The following CLDN14 variants were observed in gnomAD, a reference collection of about 807,000 sequenced individuals.
The protein encoded by CLDN14 is claudin 14, also known as claudin-14.
CLDN14 carries 2 observed loss-of-function variants against 2.1 expected under a neutral mutation model. The observed-to-expected ratio is 0.96, with a 90% CI of 0.39 to 3.01. The LOEUF (loss-of-function observed/expected upper bound fraction) is 3.01. CLDN14 is among the 30% of genes most tolerant of loss of function. The pLI, the probability that CLDN14 is intolerant of heterozygous loss-of-function variation, is 0.09. For synonymous variants in CLDN14, 136 were observed against 154.4 expected, an observed-to-expected ratio of 0.88 and a Z score of 0.88; for missense variants, 298 against 328.0, an observed-to-expected ratio of 0.91 and a Z score of 0.71.
intron 1 of CLDN14, among the ~76,000 whole-genome samples, chr21:36,556,809 A>C (rs1204550274): frequency 2.6e-5 from 4 of 152,230 alleles, no homozygotes; most frequent in Admixed American, 6.5e-5. Flanking sequence ...AAGAATATTT[A>C]ACATGAGATC....
intron 2 of CLDN14, among the ~76,000 whole-genome samples, chr21:36,497,183 A>G (rs1243730300): frequency 5.2e-3 from 5 of 970 alleles, no homozygotes; most frequent in Non-Finnish European, 0.012. Flanking sequence ...GGGAGGGAGG[A>G]AGGGAGGGAA....
chr21:36,517,196 G>GA (rs1267900446), intron 1 of CLDN14, among the ~76,000 whole-genome samples: 1 of 152,214 alleles, frequency 6.6e-6, no homozygotes, highest in Non-Finnish European at 1.5e-5. Context: ...CTGATGATGT[G>GA]AAAATTATAT....
In CLDN14 at chr21:36,499,718, T is replaced by G. The variant is rs117744204; in HGVS notation, c.-82+10645A>C. Among the ~76,000 whole-genome samples the G allele has an allele frequency of 6.6e-6, 1 of 152,198 alleles. No homozygotes were observed. Among genetic ancestry groups the G allele is most frequent in the Admixed American group, 6.5e-5 (1 of 15,280 alleles). On this transcript the variant is annotated intron_variant, in intron 2 of 2. Coordinates refer to the CLDN14 transcript ENST00000342108. This position sits in a 1 kb window ranked among gnomAD's most constrained non-coding sequence, Gnocchi z 4.7. Reference sequence around the variant, plus strand: ...AGACACGCAGACAATAAATACTGATTCTTGGACTACAGAGCCAAAGACAAA... The same window carrying G: ...AGACACGCAGACAATAAATACTGATGCTTGGACTACAGAGCCAAAGACAAA...
At chr21:36,482,408 A>ATAGACG (rs1568851811), upstream of CLDN14, among the ~76,000 whole-genome samples, 1 of 97,756 alleles carries the variant, frequency 1.0e-5, no homozygotes, top group Non-Finnish European at 2.0e-5. Flanking sequence ...ATGGATGGAT[A>ATAGACG]GACGGATGGA....
intron 2 of CLDN14, among the ~76,000 whole-genome samples, chr21:36,507,876 T>C (rs1395625291): frequency 6.6e-6 from 1 of 152,216 alleles, no homozygotes; most frequent in Non-Finnish European, 1.5e-5. Context: ...ATTTCCTGTT[T>C]AATTCCACCC....
chr21:36,569,697 T>C (rs1370507257), intron 1 of CLDN14, among the ~76,000 whole-genome samples: 1 of 152,176 alleles, frequency 6.6e-6, no homozygotes, highest in Non-Finnish European at 1.5e-5. Context: ...ACAAATCATC[T>C]GCTGGTCATG....
chr21:36,556,478 G>A (rs79500441), intron 1 of CLDN14, among the ~76,000 whole-genome samples: 440 of 152,296 alleles, frequency 2.9e-3, no homozygotes, highest in Non-Finnish European at 5.4e-3. Flanking sequence ...GAGTCCAACA[G>A]GTTTGGGGTG....
At chr21:36,507,189 C>T (rs936740604) in intron 2 of CLDN14, among the ~76,000 whole-genome samples, 1 of 151,856 alleles carries the variant, frequency 6.6e-6, no homozygotes, top group Non-Finnish European at 1.5e-5. Context: ...CAACCTGACA[C>T]AAGCGGCTGC....
intron 1 of CLDN14, among the ~76,000 whole-genome samples, chr21:36,525,027 C>T (rs781186379): frequency 1.8e-4 from 27 of 152,134 alleles, no homozygotes; most frequent in Non-Finnish European, 2.4e-4. Context: ...GGCGCTGCTC[C>T]GACACCCACC....
At chr21:36,508,321 T>C (rs1357461561) in intron 2 of CLDN14, among the ~76,000 whole-genome samples, 1 of 152,160 alleles carries the variant, frequency 6.6e-6, no homozygotes, top group Non-Finnish European at 1.5e-5. Context: ...AAAGCTACTT[T>C]CCAGGCAGCT....
At chr21:36,489,131 A>AAAATATATATATATATATATATAT in intron 2 of CLDN14, among the ~76,000 whole-genome samples, 4 of 62,750 alleles carry the variant, frequency 6.4e-5, no homozygotes, top group African/African-American at 1.2e-4. Flanking sequence ...AAAAAAAAAA[A>AAAATATATATATATATATATATAT]ATATATATAT....
intron 1 of CLDN14, among the ~76,000 whole-genome samples, chr21:36,558,241 T>G (rs1267861926): frequency 6.6e-6 from 1 of 152,250 alleles, no homozygotes; most frequent in East Asian, 1.9e-4. Flanking sequence ...GCTTTGTCCT[T>G]TCTTAAGATT....
chr21:36,562,519 C>T (rs2087643063), intron 1 of CLDN14, among the ~76,000 whole-genome samples: 2 of 152,214 alleles, frequency 1.3e-5, no homozygotes, highest in Admixed American at 6.5e-5. Flanking sequence ...GACCTATTTT[C>T]TTCTCTAAGG....
chr21:36,461,647 C>T lies in CLDN14; in HGVS notation c.49G>A (p.Gly17Ser), dbSNP rs1270823192. 7 of 1,573,252 alleles carry T rather than the reference C, an allele frequency of 4.4e-6. No individual in the cohort carries two copies. The highest frequency in any genetic ancestry group is 1.4e-5 in the African/African-American group (1 of 73,788). ...GTGGTGATCAACGTGCCCACCATGC[C>T]CAGGAAGCTGAGCAGGAAGCCCAGA... ...QLLGFLLSFL[G>S]MVGTLITTIL... Residue 17 changes from glycine (G) to serine (S), a missense_variant, in exon 2 of 2, where the codon GGC (glycine) becomes AGC (serine). Physicochemically the swap from Gly to Ser is moderately conservative, Grantham distance 56. Coordinates refer to ENST00000399135, the MANE Select transcript of CLDN14 (RefSeq NM_001146079.2).
upstream of CLDN14, among the ~76,000 whole-genome samples, chr21:36,482,134 C>T (rs368224931): frequency 6.6e-6 from 1 of 152,170 alleles, no homozygotes; most frequent in East Asian, 1.9e-4. Context: ...CATTTTGTCC[C>T]TCCCAAGAGG....
At chr21:36,480,243 G>T (rs1195123355), upstream of CLDN14, 1 of 152,386 alleles carries the variant, frequency 6.6e-6, no homozygotes, top group Non-Finnish European at 1.5e-5. Context: ...GCAGCTGTGG[G>T]TGATTCGGAT....
chr21:36,550,446 G>C (rs988842102), intron 1 of CLDN14, among the ~76,000 whole-genome samples: 3 of 152,210 alleles, frequency 2.0e-5, no homozygotes, highest in Non-Finnish European at 2.9e-5. Flanking sequence ...TATGTGGAGG[G>C]AGAATTGGAG....
At chr21:36,462,424 C>T (rs573504916) in intron 1 of CLDN14, among the ~76,000 whole-genome samples, 2 of 152,266 alleles carry the variant, frequency 1.3e-5, no homozygotes, top group South Asian at 2.1e-4. Flanking sequence ...CGGACCTCCG[C>T]TCCCAACACG....
chr21:36,520,017 GCT>G (rs1159353684), intron 1 of CLDN14, among the ~76,000 whole-genome samples: 1 of 152,208 alleles, frequency 6.6e-6, no homozygotes, highest in Non-Finnish European at 1.5e-5. Flanking sequence ...TTCTCTCACA[GCT>G]CTGGAGTCTG....
Sources: gnomAD v4.1 joint callset for allele counts (sites outside exome capture counted in the v4.1 genomes callset) on GRCh38, gnomAD v4.1.1 for gene constraint, Gnocchi (gnomAD v3.1) non-coding constraint, MANE v1.5 for transcripts, NCBI Gene and HGNC (gene_info 2026-07-23, HGNC 2026-07-21) for gene names.